Variants in ARID4B observed in about 807,000 individuals in gnomAD.
The protein encoded by ARID4B is AT-rich interaction domain 4B.
ARID4B carries 26 observed loss-of-function variants against 147.5 expected under a neutral mutation model. The ratio of observed to expected loss-of-function variants is 0.18; its 90% CI spans 0.13 to 0.24. The LOEUF (loss-of-function observed/expected upper bound fraction) is 0.24, where lower values mean the gene tolerates loss of function less well. ARID4B is among the 10% of genes least tolerant of loss of function. ARID4B has a pLI of 1.00. For synonymous variants in ARID4B, 512 were observed against 507.9 expected (o/e 1.01, Z -0.11); for missense variants, 1,179 against 1,511.5 (o/e 0.78, Z 3.65).
chr1:235,182,462 T>C lies in ARID4B; in HGVS notation c.2457A>G (p.Gln819=). ...AATACCTTCTTTTACCACGTTTTAT[T>C]TGTGGTTTTGAAGATTTATCTGTTG... ...KDTTDKSSKP[Q]IKRGKRRYCN... is the part of the protein sequence containing the mutation. Residue 819 remains glutamine (Q), a synonymous_variant, in exon 20 of 24, where the codon CAA becomes CAG. Coordinates refer to ENST00000264183, the MANE Select transcript of ARID4B (RefSeq NM_016374.6). 2.5e-6 allele frequency: 4 copies of C among 1,612,404 alleles called. 1 individual carries two copies. The South Asian group carries it at 4.4e-5, about 18-fold the overall frequency.
At chr1:235,255,554 A>T (rs879769821) in intron 5 of ARID4B, 106 bp downstream of exon 5, 1 of 646,864 alleles carries the variant, frequency 1.5e-6, no homozygotes, top group Non-Finnish European at 2.5e-6. Context: ...AACAGTAATA[A>T]TATCTAGGGT....
intron 16 of ARID4B, among the ~76,000 whole-genome samples, chr1:235,218,822 T>G (rs1667256112): frequency 6.6e-6 from 1 of 152,078 alleles, no homozygotes; most frequent in Non-Finnish European, 1.5e-5. Flanking sequence ...TCCCCTTCCC[T>G]GTTCGTCTGC....
intron 7 of ARID4B, among the ~76,000 whole-genome samples, chr1:235,245,907 C>A (rs1669274081): frequency 6.6e-6 from 1 of 152,078 alleles, no homozygotes; most frequent in African/African-American, 2.4e-5. Context: ...AGTGGCAGAG[C>A]CAGGATTCAA....
At chr1:235,257,100 C>T in intron 4 of ARID4B, 60 bp downstream of exon 4, 4 of 1,149,924 alleles carry the variant, frequency 3.5e-6, no homozygotes, top group South Asian at 2.5e-5. Context: ...TGAATTAATA[C>T]CAAGTATGAT....
chr1:235,322,904 T>TAC (rs1674944519), intron 2 of ARID4B, among the ~76,000 whole-genome samples: 1 of 151,966 alleles, frequency 6.6e-6, no homozygotes, highest in Non-Finnish European at 1.5e-5. Context: ...AGAGAACATG[T>TAC]ACACACACAC....
Position 235,303,716 on chromosome 1 carries a change from G to A in ARID4B, c.6+23198C>T, listed in dbSNP as rs78243027. On this transcript the variant is annotated intron_variant, in intron 2 of 23. Transcript: ENST00000264183. Reference sequence around the variant, plus strand: ...TGCACTGCAGCCTGCAGAACACAGCGAGACCCTGTCTAAAATACAATAAAA... The same window carrying A: ...TGCACTGCAGCCTGCAGAACACAGCAAGACCCTGTCTAAAATACAATAAAA... 3.1e-3 allele frequency among the ~76,000 whole-genome samples: 478 copies of A among 152,172 alleles called. 11 individuals are homozygous for A. In the East Asian group the frequency reaches 0.06, roughly 19 times the overall value.
chr1:235,279,310 T>C (rs1558272760), intron 2 of ARID4B, among the ~76,000 whole-genome samples: 1 of 152,136 alleles, frequency 6.6e-6, no homozygotes, highest in Admixed American at 6.6e-5. Context: ...AATCTCCATT[T>C]AGTTTCCTGA....
intron 2 of ARID4B, among the ~76,000 whole-genome samples, chr1:235,268,539 T>C (rs2103135842): frequency 6.6e-6 from 1 of 152,264 alleles, no homozygotes; most frequent in Admixed American, 6.5e-5. Context: ...ATTTATTTAT[T>C]TTTAATTGAG....
chr1:235,302,916 T>A lies in ARID4B; in HGVS notation c.6+23998A>T, dbSNP rs1423314969. Among the ~76,000 whole-genome samples, 3 of 143,998 alleles carry A rather than the reference T, an allele frequency of 2.1e-5. 1 individual carries two copies. The highest frequency in any genetic ancestry group is 4.6e-5 in the Non-Finnish European group (3 of 65,892). 94.5% of individuals were successfully genotyped at this position (143,998 alleles called of 152,430 possible). ...CCAGGATTAGAATTCAGTTTGAGAGTTTATATTCTTCTTTTTTTCTTTTTT... is the reference window on the plus strand; with the variant it reads ...CCAGGATTAGAATTCAGTTTGAGAGATTATATTCTTCTTTTTTTCTTTTTT... On this transcript the variant is annotated intron_variant, in intron 2 of 23. Coordinates refer to ENST00000264183, the MANE Select transcript of ARID4B (RefSeq NM_016374.6).
At chr1:235,300,203 G>A (rs1217548938) in intron 2 of ARID4B, among the ~76,000 whole-genome samples, 1 of 152,070 alleles carries the variant, frequency 6.6e-6, no homozygotes, top group Non-Finnish European at 1.5e-5. Flanking sequence ...ACCGCTTGAG[G>A]TCAGGAGTCC....
chr1:235,258,260 A>C (rs903035311), intron 3 of ARID4B, among the ~76,000 whole-genome samples: 2 of 152,168 alleles, frequency 1.3e-5, no homozygotes, highest in African/African-American at 2.4e-5. Flanking sequence ...TGAACCAGGG[A>C]GGTGGAGGTT....
chr1:235,231,036 G>A (rs948028891), intron 10 of ARID4B, 77 bp downstream of exon 10: 1 of 1,035,750 alleles, frequency 9.7e-7, no homozygotes, highest in Admixed American at 2.5e-5. Context: ...ATTTTAAAGA[G>A]CAAAGAAAAA....
chr1:235,294,771 C>T (rs901232718), intron 2 of ARID4B, among the ~76,000 whole-genome samples: 2 of 151,610 alleles, frequency 1.3e-5, no homozygotes, highest in Non-Finnish European at 2.9e-5. Context: ...GCCTCAGCCT[C>T]CCAAATTGCT....
chr1:235,320,897 T>C (rs1435833148), intron 2 of ARID4B, among the ~76,000 whole-genome samples: 3 of 152,222 alleles, frequency 2.0e-5, no homozygotes, highest in Admixed American at 2.0e-4. Flanking sequence ...CCCTCCATTA[T>C]CACCTAATCT....
intron 2 of ARID4B, among the ~76,000 whole-genome samples, chr1:235,305,388 C>T (rs563021449): frequency 7.0e-4 from 107 of 152,300 alleles, no homozygotes; most frequent in Middle Eastern, 3.4e-3. Context: ...CACACATACA[C>T]TTACAACTAA....
At chr1:235,242,581 A>T (rs1274260465) in intron 7 of ARID4B, among the ~76,000 whole-genome samples, 1 of 152,258 alleles carries the variant, frequency 6.6e-6, no homozygotes, top group Non-Finnish European at 1.5e-5. Flanking sequence ...AGTAGCAGCT[A>T]GAAAGCTACA....
intron 19 of ARID4B, among the ~76,000 whole-genome samples, chr1:235,183,399 G>A (rs935341981): frequency 5.9e-5 from 9 of 152,006 alleles, no homozygotes; most frequent in Admixed American, 3.9e-4. Context: ...TAGTAGACAC[G>A]GGGTTTCACT....
chr1:235,316,912 T>C (rs1674481827), intron 2 of ARID4B, among the ~76,000 whole-genome samples: 1 of 152,182 alleles, frequency 6.6e-6, no homozygotes, highest in Non-Finnish European at 1.5e-5. Flanking sequence ...ACTTTTTCAG[T>C]GTTCATGTTA....
intron 17 of ARID4B, among the ~76,000 whole-genome samples, chr1:235,209,212 C>T (rs1312131609): frequency 6.6e-6 from 1 of 152,186 alleles, no homozygotes; most frequent in Non-Finnish European, 1.5e-5. Context: ...CAGTGGCTCA[C>T]GCCTATAATC....
Sources: allele counts gnomAD v4.1 joint callset (sites outside exome capture counted in the v4.1 genomes callset), GRCh38; gene constraint gnomAD v4.1.1; transcripts MANE v1.5; gene names NCBI Gene and HGNC (gene_info 2026-07-23, HGNC 2026-07-21).